Variants in CSRNP3 observed in about 807,000 individuals in gnomAD.
CSRNP3 encodes the protein cysteine and serine rich nuclear protein 3, also known as cysteine/serine-rich nuclear protein 3.
In CSRNP3, 12 loss-of-function variants were observed where a neutral mutation model predicts 48.0. The observed-to-expected ratio is 0.25, with a 90% CI of 0.16 to 0.41. CSRNP3 has a LOEUF of 0.41. Among genes scored for constraint, CSRNP3 ranks in the 10% least tolerant of loss-of-function variants. The probability of loss-of-function intolerance (pLI) is 1.00; values close to 1 mark genes in which losing one functional copy is unlikely to be tolerated. For synonymous variants in CSRNP3, 263 were observed against 269.7 expected, an observed-to-expected ratio of 0.98 and a Z score of 0.24; for missense variants, 580 against 724.4, an observed-to-expected ratio of 0.80 and a Z score of 2.29.
At chr2:165,638,059 T>C (rs1267906657) in intron 4 of CSRNP3, among the ~76,000 whole-genome samples, 1 of 152,234 alleles carries the variant, frequency 6.6e-6, no homozygotes. Context: ...ATATATATAG[T>C]ACAAAAGACA....
chr2:165,564,845 A>G (rs942753869), intron 3 of CSRNP3, among the ~76,000 whole-genome samples: 1 of 152,114 alleles, frequency 6.6e-6, no homozygotes, highest in Admixed American at 6.6e-5. Context: ...GGTTTCTTAA[A>G]ATTTTTTTGT....
intron 3 of CSRNP3, among the ~76,000 whole-genome samples, chr2:165,582,565 C>A (rs1685566176): frequency 6.6e-6 from 1 of 152,148 alleles, no homozygotes; most frequent in South Asian, 2.1e-4. Context: ...TGGAAAGAGC[C>A]CTGTCCTAGG....
intron 3 of CSRNP3, among the ~76,000 whole-genome samples, chr2:165,571,904 A>G (rs914295658): frequency 7.2e-5 from 11 of 152,108 alleles, no homozygotes; most frequent in Non-Finnish European, 2.9e-5. Context: ...TGAAGGAAAC[A>G]GCAATTATCT....
chr2:165,653,797 C>A (rs1004929538), intron 4 of CSRNP3, among the ~76,000 whole-genome samples: 4 of 151,402 alleles, frequency 2.6e-5, no homozygotes, highest in Non-Finnish European at 4.4e-5. Context: ...CATGATGAAA[C>A]CCTGTCTTTA....
chr2:165,584,240 A>G (rs1685592325), intron 3 of CSRNP3, among the ~76,000 whole-genome samples: 1 of 152,184 alleles, frequency 6.6e-6, no homozygotes, highest in Non-Finnish European at 1.5e-5. Flanking sequence ...CCTTAACTGT[A>G]AACACCTAGA....
At chr2:165,501,065 T>C (rs1325442587) in intron 2 of CSRNP3, among the ~76,000 whole-genome samples, 1 of 152,132 alleles carries the variant, frequency 6.6e-6, no homozygotes, top group Non-Finnish European at 1.5e-5. Flanking sequence ...TCTGGATATA[T>C]ATACATTTAT....
intron 1 of CSRNP3, among the ~76,000 whole-genome samples, chr2:165,489,070 A>G (rs897475063): frequency 8.8e-5 from 13 of 148,148 alleles, no homozygotes; most frequent in Non-Finnish European, 1.8e-4. Context: ...AAAGAGAAAA[A>G]GAGAGAAGAA....
chr2:165,626,580 A>G (rs1187687825), intron 4 of CSRNP3, among the ~76,000 whole-genome samples: 1 of 152,192 alleles, frequency 6.6e-6, no homozygotes, highest in Non-Finnish European at 1.5e-5. Flanking sequence ...CTAAAAGCTT[A>G]CTGTTTTGCT....
intron 3 of CSRNP3, among the ~76,000 whole-genome samples, chr2:165,572,096 C>T (rs1473533186): frequency 2.0e-5 from 3 of 152,070 alleles, no homozygotes; most frequent in African/African-American, 7.2e-5. Flanking sequence ...TATTCAACCT[C>T]TTATTAAAAT....
At position 165,679,220 on chromosome 2, in the gene CSRNP3, G is replaced by C. The variant is rs780332011; in HGVS notation, c.1225G>C (p.Val409Leu). Residue 409 changes from valine (V) to leucine (L), a missense_variant, in exon 7 of 7, where the codon GTT (valine) becomes CTT (leucine). Coordinates refer to ENST00000651982, the MANE Select transcript of CSRNP3 (RefSeq NM_001172173.2). ...TGCCGAAGTTGTCCCTCTTCCTTCAGTTCTTTGTTATTCTGATGGCACCGC... is the reference window on the plus strand; with the variant it reads ...TGCCGAAGTTGTCCCTCTTCCTTCACTTCTTTGTTATTCTGATGGCACCGC... The part of the protein sequence containing the change: ...THAEVVPLPS[V>L]LCYSDGTAVH... 1.5e-5 allele frequency: 24 copies of C among 1,613,854 alleles called. No homozygotes were observed. In the South Asian group the frequency reaches 2.5e-4, roughly 17 times the overall value.
At chr2:165,675,808 G>A (rs532009604) in intron 5 of CSRNP3, among the ~76,000 whole-genome samples, 1 of 152,334 alleles carries the variant, frequency 6.6e-6, no homozygotes, top group African/African-American at 2.4e-5. Context: ...GCACAGTGCA[G>A]CACACCTTTA....
At chr2:165,660,581 G>A (rs956433059) in intron 5 of CSRNP3, among the ~76,000 whole-genome samples, 2 of 152,144 alleles carry the variant, frequency 1.3e-5, no homozygotes, top group African/African-American at 2.4e-5. Flanking sequence ...TGATACATGT[G>A]ATGAATGTAA....
intron 3 of CSRNP3, among the ~76,000 whole-genome samples, chr2:165,557,110 A>G (rs887219240): frequency 6.6e-6 from 1 of 152,178 alleles, no homozygotes; most frequent in East Asian, 1.9e-4. Flanking sequence ...CTCACTACCC[A>G]TTTGTATATG....
chr2:165,634,761 C>T (rs754431974), intron 4 of CSRNP3, among the ~76,000 whole-genome samples: 6 of 152,200 alleles, frequency 3.9e-5, no homozygotes, highest in Non-Finnish European at 7.3e-5. Flanking sequence ...AGAAACCTAC[C>T]TGGAGGTGAC....
chr2:165,584,252 G>C (rs149841014), intron 3 of CSRNP3, among the ~76,000 whole-genome samples: 108 of 152,132 alleles, frequency 7.1e-4, no homozygotes, highest in African/African-American at 2.5e-3. Context: ...ACACCTAGAG[G>C]CTACGAATAC....
chr2:165,554,656 A>T (rs1228737964), intron 3 of CSRNP3, among the ~76,000 whole-genome samples: 1 of 152,052 alleles, frequency 6.6e-6, no homozygotes, highest in Non-Finnish European at 1.5e-5. Flanking sequence ...AGAATAAATC[A>T]TTTTTTTACT....
rs750666086 is a variant in CSRNP3, at chr2:165,679,279, T to G, written c.1284T>G (p.Phe428Leu). ...AAAGCCATGCAAAGAATGCTTCTTTTTATGCCAACTCTTCAACTCTGTATT... is the reference window on the plus strand; with the variant it reads ...AAAGCCATGCAAAGAATGCTTCTTTGTATGCCAACTCTTCAACTCTGTATT... Reference protein sequence around the residue: ...VHESHAKNASFYANSSTLYYQ... With the variant: ...VHESHAKNASLYANSSTLYYQ... Residue 428 changes from phenylalanine (F) to leucine (L), a missense_variant, in exon 7 of 7, where the codon TTT (phenylalanine) becomes TTG (leucine). By Grantham distance (22) the Phe-to-Leu change is conservative. Transcript: ENST00000651982. 3 of 1,613,784 alleles carry G rather than the reference T, an allele frequency of 1.9e-6. No homozygotes were observed. The highest frequency in any genetic ancestry group is 2.5e-6 in the Non-Finnish European group (3 of 1,179,954).
Position 165,477,504 on chromosome 2 carries a change from A to AATATATATATAT in CSRNP3, c.-283+7769_-283+7780dup, listed in dbSNP as rs35294627. Among the ~76,000 whole-genome samples, 553 of 132,132 alleles carry AATATATATATAT rather than the reference A, an allele frequency of 4.2e-3. 7 individuals are homozygous for AATATATATATAT. The highest frequency in any genetic ancestry group is 0.015 in the African/African-American group (524 of 35,554). The allele number at this position is 132,132 out of a possible 152,430, so 86.7% of individuals were successfully genotyped here. ...ATGAAATATATATATATATAATACA[A>AATATATATATAT]ATATATATATATATATTAGCCAGGT... On this transcript the variant is annotated intron_variant, in intron 1 of 6. Transcript: ENST00000651982.
intron 6 of CSRNP3, 116 bp downstream of exon 6, chr2:165,676,724 A>G: frequency 1.3e-6 from 1 of 784,744 alleles, no homozygotes; most frequent in Non-Finnish European, 2.0e-6. Context: ...TTTTTTGGCA[A>G]GGCAAGACAT....
Sources: allele counts gnomAD v4.1 joint callset (sites outside exome capture counted in the v4.1 genomes callset), GRCh38; gene constraint gnomAD v4.1.1; transcripts MANE v1.5; gene names NCBI Gene and HGNC (gene_info 2026-07-23, HGNC 2026-07-21).